The following CNNM4 variants were observed in gnomAD, a reference collection of about 807,000 sequenced individuals.
CNNM4 encodes the protein metal transporter CNNM4.
A neutral mutation model predicts 53.7 loss-of-function variants in CNNM4; 32 were observed. The ratio of observed to expected loss-of-function variants is 0.60; its 90% CI spans 0.45 to 0.80. The LOEUF (loss-of-function observed/expected upper bound fraction) is 0.80. Among genes scored for constraint, CNNM4 ranks in the 30% least tolerant of loss-of-function variants. CNNM4 has a pLI of 0.00. For missense variants in CNNM4, 784 were observed against 1,022.0 expected (o/e 0.77, Z 3.17); for synonymous variants, 410 against 440.0 (o/e 0.93, Z 0.85).
chr2:96,807,224 T>C (rs889509684), intron 5 of CNNM4, among the ~76,000 whole-genome samples: 4 of 152,174 alleles, frequency 2.6e-5, no homozygotes, highest in Admixed American at 6.5e-5. Flanking sequence ...TTGCCCAGGC[T>C]GGTCTTGAAC....
Position 96,799,617 on chromosome 2 carries a change from T to C in CNNM4, c.1917T>C (p.Tyr639=), listed in dbSNP as rs370487548. The part of the protein sequence containing the change: ...MKFETGAFSY[Y]GTMALTSVPS... ...TTGAGACGGGCGCCTTCTCCTACTATGGGACTATGGCCCTGACCTCGGTCC... is the reference window on the plus strand; with the variant it reads ...TTGAGACGGGCGCCTTCTCCTACTACGGGACTATGGCCCTGACCTCGGTCC... The change falls in exon 5 of 7, where the codon TAT becomes TAC. Residue 639 remains tyrosine (Y), a synonymous_variant. Coordinates refer to ENST00000377075, the MANE Select transcript of CNNM4 (RefSeq NM_020184.4). The C allele has an allele frequency of 3.9e-6, 6 of 1,553,194 alleles. No individual in the cohort carries two copies. In the African/African-American group the frequency reaches 6.8e-5, roughly 18 times the overall value.
intron 1 of CNNM4, among the ~76,000 whole-genome samples, chr2:96,770,087 G>T (rs892928835): frequency 1.3e-5 from 2 of 152,238 alleles, no homozygotes; most frequent in Non-Finnish European, 2.9e-5. Flanking sequence ...GCCCCATGCA[G>T]CCTATGGGCG....
At chr2:96,783,428 A>G (rs1183126440) in intron 1 of CNNM4, among the ~76,000 whole-genome samples, 1 of 152,074 alleles carries the variant, frequency 6.6e-6, no homozygotes, top group African/African-American at 2.4e-5. Flanking sequence ...CCACGGAGAG[A>G]TCCTGCTCCC....
rs1055486289 is a variant in CNNM4, at chr2:96,798,962, G to A, written c.1682-95G>A. 26 of 1,247,510 alleles carry A rather than the reference G, an allele frequency of 2.1e-5. No individual in the cohort carries two copies. In the East Asian group the frequency reaches 5.8e-4, roughly 28 times the overall value. The allele number at this position is 1,247,510 out of a possible 1,614,324, so 77.3% of individuals were successfully genotyped here. The stretch of plus-strand genomic sequence containing the variant: ...AGGGCGGGAGTCGTCTGAGCACAGC[G>A]TGGCTGCTGTGGTTGGGGTGGAGGC... On this transcript the variant is annotated intron_variant, in intron 3 of 6. Coordinates refer to ENST00000377075, the MANE Select transcript of CNNM4 (RefSeq NM_020184.4).
At chr2:96,772,859 C>G (rs112599228) in intron 1 of CNNM4, among the ~76,000 whole-genome samples, 1 of 141,742 alleles carries the variant, frequency 7.1e-6, no homozygotes, top group Non-Finnish European at 1.5e-5. Context: ...GCTCACACAC[C>G]CACACTCATA....
intron 1 of CNNM4, among the ~76,000 whole-genome samples, chr2:96,767,810 G>T (rs1001745848): frequency 6.6e-6 from 1 of 152,156 alleles, no homozygotes; most frequent in East Asian, 1.9e-4. Context: ...TGTGGCTCAC[G>T]CCTGTAATCC....
chr2:96,809,449 G>A lies in CNNM4; in HGVS notation c.2260G>A (p.Glu754Lys), dbSNP rs781641928. Residue 754 changes from glutamate (E) to lysine (K), a missense_variant, in exon 7 of 7, where the codon GAG (glutamate) becomes AAG (lysine). Physicochemically the swap from Glu to Lys is moderately conservative, Grantham distance 56 (BLOSUM62 1). Transcript: ENST00000377075. ...AEKSELPVVD[E>K]TTTLLNERNS... is the part of the protein sequence containing the mutation. ...GAAGTCTGAGCTGCCTGTGGTGGAC[G>A]AGACCACAACTCTTCTCAACGAGCG... 6.2e-7 allele frequency: 1 copy of A among 1,614,164 alleles called. No homozygotes were observed. The highest frequency in any genetic ancestry group is 8.5e-7 in the Non-Finnish European group (1 of 1,180,020).
At chr2:96,806,533 ACACGCGCGCGCG>A (rs1169868321) in intron 5 of CNNM4, among the ~76,000 whole-genome samples, 20 of 138,602 alleles carry the variant, frequency 1.4e-4, no homozygotes, top group Admixed American at 3.6e-4. Context: ...ACACACACAC[ACACGCGCGCGCG>A]CGCGCGCGCC....
chr2:96,800,641 T>C lies in CNNM4; in HGVS notation c.1948+993T>C, dbSNP rs1045122395. 3.3e-5 allele frequency among the ~76,000 whole-genome samples: 5 copies of C among 152,208 alleles called. No homozygotes were observed. The highest frequency in any genetic ancestry group is 1.3e-4 in the Admixed American group (2 of 15,284). On this transcript the variant is annotated intron_variant, in intron 5 of 6. Transcript: ENST00000377075. The surrounding 1 kb of genome is among the most constrained non-coding windows in gnomAD (Gnocchi z 4.6). ...CTCTGAGCAGGTTAACCCTATCAGATGCCTCAGGCCTGGGGATGACTTCCT... is the reference window on the plus strand; with the variant it reads ...CTCTGAGCAGGTTAACCCTATCAGACGCCTCAGGCCTGGGGATGACTTCCT...
rs1352862464 is a variant in CNNM4, at chr2:96,801,679, CCACACGCAGAGAGACCACA to C, written c.1948+2055_1948+2073del. Among the ~76,000 whole-genome samples, 3 of 144,412 alleles carry C rather than the reference CCACACGCAGAGAGACCACA, an allele frequency of 2.1e-5. No homozygotes were observed. The highest frequency in any genetic ancestry group is 2.1e-4 in the East Asian group (1 of 4,796). The allele number at this position is 144,412 out of a possible 152,430, so 94.7% of individuals were successfully genotyped here. A position where few individuals can be genotyped will look rare whatever the true frequency, so the allele number is the denominator to read the frequency against. ...GACCACACACACACACACACAGAGA[CCACACGCAGAGAGACCACA>C]CACACGCAGAGAGACCACACACATG... On this transcript the variant is annotated intron_variant, in intron 5 of 6. Coordinates refer to ENST00000377075, the MANE Select transcript of CNNM4 (RefSeq NM_020184.4). The surrounding 1 kb of genome is among the most constrained non-coding windows in gnomAD (Gnocchi z 5.6).
chr2:96,809,624 C>A lies in CNNM4; in HGVS notation c.*107C>A. On this transcript the variant is annotated 3_prime_UTR_variant, in exon 7 of 7. Coordinates refer to ENST00000377075, the MANE Select transcript of CNNM4 (RefSeq NM_020184.4). ...GAAAGGATACGGATAGATAGCCTGT[C>A]TGACTGAACAGCCAGATGGCCCCCA... 9.9e-7 allele frequency: 1 copy of A among 1,013,388 alleles called. No individual in the cohort carries two copies. Among genetic ancestry groups the A allele is most frequent in the Non-Finnish European group, 1.5e-6 (1 of 672,976 alleles). 62.8% of individuals were successfully genotyped at this position (1,013,388 alleles called of 1,614,324 possible). A position where few individuals can be genotyped will look rare whatever the true frequency, so the allele number is the denominator to read the frequency against.
intron 5 of CNNM4, among the ~76,000 whole-genome samples, chr2:96,805,418 G>GTTTTTTTTTTTTTTTTTTTT (rs898761608): frequency 1.2e-4 from 9 of 76,152 alleles, no homozygotes; most frequent in East Asian, 8.3e-4. Context: ...CTTCTTTTCA[G>GTTTTTTTTTTTTTTTTTTTT]TTTTTTTTTT....
At chr2:96,779,038 G>A (rs887523161) in intron 1 of CNNM4, among the ~76,000 whole-genome samples, 2 of 151,890 alleles carry the variant, frequency 1.3e-5, no homozygotes, top group Non-Finnish European at 2.9e-5. Flanking sequence ...CTCACTGCAA[G>A]CTCTGCCTCC....
intron 5 of CNNM4, among the ~76,000 whole-genome samples, chr2:96,806,930 C>A (rs534796210): frequency 6.6e-6 from 1 of 152,190 alleles, no homozygotes; most frequent in Non-Finnish European, 1.5e-5. Flanking sequence ...CCCTGACCCG[C>A]CCCGGCCAGG....
chr2:96,792,772 C>A (rs2079073065), intron 1 of CNNM4, among the ~76,000 whole-genome samples: 1 of 151,978 alleles, frequency 6.6e-6, no homozygotes, highest in South Asian at 2.1e-4. Context: ...CCACTGTACT[C>A]CAGCCTGGCG....
intron 5 of CNNM4, among the ~76,000 whole-genome samples, chr2:96,806,053 CG>C (rs2079201834): frequency 6.9e-6 from 1 of 145,442 alleles, no homozygotes; most frequent in African/African-American, 2.8e-5. Context: ...ACCTCCCGGA[CG>C]GGGCGGCTGG....
intron 1 of CNNM4, among the ~76,000 whole-genome samples, chr2:96,769,981 T>C (rs1257391399): frequency 6.6e-6 from 1 of 152,208 alleles, no homozygotes; most frequent in East Asian, 1.9e-4. Flanking sequence ...TCCTTCTCAC[T>C]TTCCCTTTAG....
intron 1 of CNNM4, among the ~76,000 whole-genome samples, chr2:96,794,394 C>G (rs1452125779): frequency 6.6e-6 from 1 of 152,208 alleles, no homozygotes; most frequent in East Asian, 1.9e-4. Flanking sequence ...ACCACTCTTA[C>G]TACTTCTGGA....
Position 96,809,589 on chromosome 2 carries a change from T to A in CNNM4, c.*72T>A. ...TGGGCCCACATGAAGAGAGGGAACC[T>A]GTTAGTCCAGAAAGGATACGGATAG... is the stretch of plus-strand genomic sequence containing the variant. On this transcript the variant is annotated 3_prime_UTR_variant, in exon 7 of 7. Transcript: ENST00000377075. The A allele has an allele frequency of 1.5e-6, 2 of 1,355,370 alleles. No homozygotes were observed. The highest frequency in any genetic ancestry group is 2.1e-6 in the Non-Finnish European group (2 of 951,722). The allele number at this position is 1,355,370 out of a possible 1,614,324, so 84.0% of individuals were successfully genotyped here.
Sources: gnomAD v4.1 joint callset for allele counts (sites outside exome capture counted in the v4.1 genomes callset) on GRCh38, gnomAD v4.1.1 for gene constraint, Gnocchi (gnomAD v3.1) non-coding constraint, MANE v1.5 for transcripts, NCBI Gene and HGNC (gene_info 2026-07-23, HGNC 2026-07-21) for gene names.